Variants in POLR3H observed in about 807,000 individuals in gnomAD.
POLR3H encodes the protein DNA-directed RNA polymerase III subunit RPC8.
In POLR3H, 17 loss-of-function variants were observed where a neutral mutation model predicts 25.5. The observed-to-expected ratio is 0.67, with a 90% confidence interval of 0.46 to 1.00. The LOEUF (loss-of-function observed/expected upper bound fraction) is 1.00. Ranked by LOEUF, POLR3H falls within the 50% of genes least tolerant of loss-of-function variation. The probability of loss-of-function intolerance (pLI) is 0.00; values close to 1 mark genes in which losing one functional copy is unlikely to be tolerated. For synonymous variants in POLR3H, 129 were observed against 103.0 expected (o/e 1.25, Z -1.53); for missense variants, 274 against 265.0 (o/e 1.03, Z -0.24).
rs2066979867 is a variant in POLR3H, at chr22:41,544,139, A to T, written c.-38T>A. 7.4e-7 allele frequency: 1 copy of T among 1,350,446 alleles called. No individual in the cohort carries two copies. The highest frequency in any genetic ancestry group is 1.1e-6 in the Non-Finnish European group (1 of 946,870). 83.7% of individuals were successfully genotyped at this position (1,350,446 alleles called of 1,614,324 possible). ...TGGGGGCTCTGGGAACAGGAGGGTC[A>T]GTCACGCACCAGGGCCGGGGGCAGG... On this transcript the variant is annotated 5_prime_UTR_variant, in exon 1 of 6. It removes the in-frame stop codon of an upstream open reading frame in the 5' UTR. Coordinates refer to ENST00000355209, the MANE Select transcript of POLR3H (RefSeq NM_001018050.4).
chr22:41,537,380 T>A (rs1351991945), intron 2 of POLR3H, among the ~76,000 whole-genome samples: 4 of 152,150 alleles, frequency 2.6e-5, no homozygotes, highest in Non-Finnish European at 4.4e-5. Flanking sequence ...TGAGCAAAGG[T>A]GAAGGCACAG....
intron 1 of POLR3H, among the ~76,000 whole-genome samples, chr22:41,541,553 CAG>C (rs72086623): frequency 0.012 from 1,799 of 152,326 alleles, 39 homozygotes; most frequent in African/African-American, 0.041. Flanking sequence ...TCAGAGAACT[CAG>C]AGTCGTGGCC....
intron 2 of POLR3H, among the ~76,000 whole-genome samples, chr22:41,534,497 A>G (rs2066807464): frequency 6.6e-6 from 1 of 152,206 alleles, no homozygotes; most frequent in South Asian, 2.1e-4. Context: ...AACCACATCC[A>G]TAGAGACAGA....
Position 41,529,969 on chromosome 22 carries a change from A to C in POLR3H, c.562-633T>G, listed in dbSNP as rs139576518. Reference sequence around the variant, plus strand: ...ATGGGGTTTCACCGTGTTAGCCAGGATGGTCTCAATCTCCTGACCTCGTGA... The same window carrying C: ...ATGGGGTTTCACCGTGTTAGCCAGGCTGGTCTCAATCTCCTGACCTCGTGA... On this transcript the variant is annotated intron_variant, in intron 5 of 5. Transcript: ENST00000355209. 7.5e-3 allele frequency among the ~76,000 whole-genome samples: 1,131 copies of C among 151,760 alleles called. 15 individuals carry two copies. Among genetic ancestry groups the C allele is most frequent in the African/African-American group, 0.027 (1,099 of 41,364 alleles).
intron 2 of POLR3H, among the ~76,000 whole-genome samples, chr22:41,533,055 G>A (rs2066773014): frequency 6.6e-6 from 1 of 152,222 alleles, no homozygotes; most frequent in South Asian, 2.1e-4. Context: ...CTCCTAAAAA[G>A]GGCAGAAGCA....
chr22:41,538,124 C>G (rs577489465), intron 2 of POLR3H, among the ~76,000 whole-genome samples: 11 of 151,612 alleles, frequency 7.3e-5, no homozygotes, highest in African/African-American at 2.2e-4. Flanking sequence ...TGCCACCACA[C>G]CCAAATAATT....
chr22:41,532,191 G>A (rs1487418778), intron 3 of POLR3H, 34 bp from the exon 4 acceptor site: 1 of 1,604,500 alleles, frequency 6.2e-7, no homozygotes, highest in South Asian at 1.1e-5. Context: ...GGCCTGAGAT[G>A]GGGGTCCCAG....
chr22:41,537,794 A>G (rs1281415588), intron 2 of POLR3H, among the ~76,000 whole-genome samples: 2 of 152,062 alleles, frequency 1.3e-5, no homozygotes, highest in Non-Finnish European at 2.9e-5. Flanking sequence ...TTCCAATTGA[A>G]TAGACAGAAT....
At chr22:41,543,120 G>A (rs1029302886) in intron 1 of POLR3H, among the ~76,000 whole-genome samples, 2 of 152,232 alleles carry the variant, frequency 1.3e-5, no homozygotes, top group Middle Eastern at 3.4e-3. Flanking sequence ...CAAGGAGAGG[G>A]AAAGGAAAAA....
chr22:41,532,866 A>G (rs2145547967), intron 2 of POLR3H, 121 bp from the exon 3 acceptor site: 1 of 1,031,084 alleles, frequency 9.7e-7, no homozygotes, highest in Non-Finnish European at 1.4e-6. Context: ...TCCCCCTGCA[A>G]GCCTAGACCC....
In POLR3H at chr22:41,544,153, G is replaced by A; in HGVS notation, c.-52C>T. Reference sequence around the variant, plus strand: ...ACAGGAGGGTCAGTCACGCACCAGGGCCGGGGGCAGGGAGAATCCCCGAGC... The same window carrying A: ...ACAGGAGGGTCAGTCACGCACCAGGACCGGGGGCAGGGAGAATCCCCGAGC... On this transcript the variant is annotated 5_prime_UTR_variant, in exon 1 of 6. Coordinates refer to ENST00000355209, the MANE Select transcript of POLR3H (RefSeq NM_001018050.4). The A allele has an allele frequency of 4.3e-6, 5 of 1,149,826 alleles. No homozygotes were observed. Among genetic ancestry groups the A allele is most frequent in the Non-Finnish European group, 5.1e-6 (4 of 776,912 alleles). The allele number at this position is 1,149,826 out of a possible 1,614,324, so 71.2% of individuals were successfully genotyped here.
rs753583156 is a variant in POLR3H at position 41,528,018 on chromosome 22, G to A, written c.*1265C>T. 2 of 1,614,154 alleles carry A rather than the reference G, an allele frequency of 1.2e-6. No homozygotes were observed. The highest frequency in any genetic ancestry group is 1.7e-6 in the Non-Finnish European group (2 of 1,180,032). On this transcript the variant is annotated 3_prime_UTR_variant, in exon 6 of 6. Coordinates refer to ENST00000355209, the MANE Select transcript of POLR3H (RefSeq NM_001018050.4). ...CAGGGCCTGAAGGACTTCACCCCTG[G>A]CAAGGTTAGGGGCCCGGGTCCCCCT...
chr22:41,532,664 A>G lies in POLR3H; in HGVS notation c.290T>C (p.Val97Ala). ...GKIKGCSPEG[V>A]HVSLGFFDDI... is the part of the protein sequence containing the mutation. The stretch of plus-strand genomic sequence containing the variant: ...GGCGTCAGGGCCACTGTTACCGTGC[A>G]CTCCTTCTGGGCTGCAGCCTTTGAT... Residue 97 changes from valine to alanine, a missense_variant, in exon 3 of 6, where the codon GTG becomes GCG. Transcript: ENST00000355209. The G allele has an allele frequency of 1.9e-6, 3 of 1,613,712 alleles. No individual in the cohort carries two copies. The highest frequency in any genetic ancestry group is 2.5e-6 in the Non-Finnish European group (3 of 1,179,888).
Position 41,526,754 on chromosome 22 carries a change from G to C in POLR3H, c.*2529C>G, listed in dbSNP as rs1306205995. On this transcript the variant is annotated 3_prime_UTR_variant, in exon 6 of 6. Coordinates refer to ENST00000355209, the MANE Select transcript of POLR3H (RefSeq NM_001018050.4). ...CGACTCAGGAAGTCAGAGGCCAAAA[G>C]CTCAGAGAGGGGGCTACACGGGGCC... 4 of 374,506 alleles carry C rather than the reference G, an allele frequency of 1.1e-5. No homozygotes were observed. The highest frequency in any genetic ancestry group is 4.2e-5 in the Admixed American group (1 of 24,070). The allele number at this position is 374,506 out of a possible 1,614,324, so 23.2% of individuals were successfully genotyped here. A position where few individuals can be genotyped will look rare whatever the true frequency, so the allele number is the denominator to read the frequency against.
At chr22:41,536,888 C>CT (rs1433943645) in intron 2 of POLR3H, among the ~76,000 whole-genome samples, 2 of 139,582 alleles carry the variant, frequency 1.4e-5, no homozygotes, top group East Asian at 4.1e-4. Context: ...AAAAAAAAGG[C>CT]TTTAAAAAAA....
At chr22:41,531,803 G>A (rs998402734) in intron 4 of POLR3H, among the ~76,000 whole-genome samples, 7 of 152,198 alleles carry the variant, frequency 4.6e-5, no homozygotes, top group South Asian at 2.1e-4. Flanking sequence ...GAAGTGAACC[G>A]GAAGTGAATG....
chr22:41,539,662 G>A (rs1008978776), intron 2 of POLR3H: 1 of 152,294 alleles, frequency 6.6e-6, no homozygotes, highest in African/African-American at 2.4e-5. Context: ...CAACGGGATG[G>A]AAGCAGAGGC....
chr22:41,531,132 G>A (rs961332273), intron 4 of POLR3H, among the ~76,000 whole-genome samples: 8 of 152,194 alleles, frequency 5.3e-5, no homozygotes, highest in East Asian at 1.9e-4. Context: ...ACGGCCAGAC[G>A]CACATGGATC....
Position 41,527,639 on chromosome 22 carries a change from C to G in POLR3H, c.*1644G>C. The G allele has an allele frequency of 2.5e-6, 2 of 808,564 alleles. No homozygotes were observed. Among genetic ancestry groups the G allele is most frequent in the Middle Eastern group, 3.7e-4 (1 of 2,728 alleles). 50.1% of individuals were successfully genotyped at this position (808,564 alleles called of 1,614,324 possible). A position where few individuals can be genotyped will look rare whatever the true frequency, so the allele number is the denominator to read the frequency against. ...TGCTTCCAGGCTTGTAGATCTGAGC[C>G]GCTGAGATCTAGGACATGTGCCAGG... On this transcript the variant is annotated 3_prime_UTR_variant, in exon 6 of 6. Coordinates refer to ENST00000355209, the MANE Select transcript of POLR3H (RefSeq NM_001018050.4).
Sources: gnomAD v4.1 joint callset for allele counts (sites outside exome capture counted in the v4.1 genomes callset) on GRCh38, gnomAD v4.1.1 for gene constraint, MANE v1.5 for transcripts, NCBI Gene and HGNC (gene_info 2026-07-23, HGNC 2026-07-21) for gene names.